Variants in CSMD2 observed in about 807,000 individuals in gnomAD.
CSMD2 encodes CUB and sushi domain-containing protein 2.
A neutral mutation model predicts 398.5 loss-of-function variants in CSMD2; 130 were observed. That is an observed-to-expected ratio of 0.33 (90% CI 0.28 to 0.38). The LOEUF (loss-of-function observed/expected upper bound fraction) is 0.38, where lower values mean the gene tolerates loss of function less well. CSMD2 is among the 10% of genes least tolerant of loss of function. The pLI is 1.00. For synonymous variants in CSMD2, 1,828 were observed against 1,908.5 expected (o/e 0.96, Z 1.10); for missense variants, 3,829 against 4,764.9 (o/e 0.80, Z 5.78).
rs76808780 is a variant in CSMD2, at chr1:33,613,758, C to T, written c.6133+746G>A. Among the ~76,000 whole-genome samples, 159 of 152,294 alleles carry T rather than the reference C, an allele frequency of 1.0e-3. 1 individual carries two copies. The East Asian group carries it at 0.026, about 25-fold the overall frequency. On this transcript the variant is annotated intron_variant, in intron 40 of 70. Transcript: ENST00000373381. ...GTGCAATGGCTTGGGCAAGATGACC[C>T]GTGCGTACGGCCCATCAGTTCCATG...
At chr1:33,728,252 T>C (rs901516717) in intron 15 of CSMD2, among the ~76,000 whole-genome samples, 18 of 152,132 alleles carry the variant, frequency 1.2e-4, no homozygotes, top group Non-Finnish European at 2.4e-4. Context: ...AAGAGCTACA[T>C]AGCACTTCTC....
intron 3 of CSMD2, among the ~76,000 whole-genome samples, chr1:34,029,921 G>A (rs986610704): frequency 1.3e-5 from 2 of 152,170 alleles, no homozygotes; most frequent in African/African-American, 4.8e-5. Context: ...GTGGAATGTT[G>A]AGCATTCTCA....
At chr1:33,978,668 C>T (rs1335797562) in intron 3 of CSMD2, among the ~76,000 whole-genome samples, 3 of 152,024 alleles carry the variant, frequency 2.0e-5, no homozygotes, top group African/African-American at 7.2e-5. Flanking sequence ...GAGAGGACAC[C>T]GTACCTAAGA....
At chr1:33,793,695 A>AGTGAGGCTGGTG (rs6143183) in intron 10 of CSMD2, among the ~76,000 whole-genome samples, 150,454 of 152,098 alleles carry the variant, frequency 0.99, 74,415 homozygotes, top group Middle Eastern at 1. Flanking sequence ...CATTGGCAGG[A>AGTGAGGCTGGTG]GTGAGGATGG....
chr1:33,561,687 C>G (rs1658560353), intron 53 of CSMD2, among the ~76,000 whole-genome samples: 1 of 152,174 alleles, frequency 6.6e-6, no homozygotes, highest in Admixed American at 6.5e-5. Context: ...GGCTTTTACC[C>G]TCCTCTGGGG....
rs1212813720 is a variant in CSMD2 at position 34,163,596 on chromosome 1, C to A, written c.187+1315G>T. ...AGGCGCACTTTCCCAAGAAGGGGAACTGGGGTGGTCCAGGCCAAGCCTTCA... is the reference window on the plus strand; with the variant it reads ...AGGCGCACTTTCCCAAGAAGGGGAAATGGGGTGGTCCAGGCCAAGCCTTCA... On this transcript the variant is annotated intron_variant, in intron 1 of 70. Transcript: ENST00000373381. This position sits in a 1 kb window ranked among gnomAD's most constrained non-coding sequence, Gnocchi z 5.4. 6.6e-6 allele frequency among the ~76,000 whole-genome samples: 1 copy of A among 152,166 alleles called. No individual in the cohort carries two copies. Among genetic ancestry groups the A allele is most frequent in the Non-Finnish European group, 1.5e-5 (1 of 68,040 alleles).
chr1:33,641,132 C>A (rs955430932), intron 29 of CSMD2, among the ~76,000 whole-genome samples: 1 of 152,154 alleles, frequency 6.6e-6, no homozygotes, highest in Non-Finnish European at 1.5e-5. Context: ...TCACAGCAAC[C>A]CTTCTGATTT....
At chr1:33,647,262 T>C (rs564399186) in intron 28 of CSMD2, among the ~76,000 whole-genome samples, 2 of 152,200 alleles carry the variant, frequency 1.3e-5, no homozygotes, top group Non-Finnish European at 2.9e-5. Context: ...TATGGTGCCA[T>C]TCTCAGGGAG....
intron 64 of CSMD2, among the ~76,000 whole-genome samples, chr1:33,528,029 C>T (rs1026976609): frequency 3.3e-5 from 5 of 151,782 alleles, no homozygotes; most frequent in African/African-American, 7.3e-5. Flanking sequence ...TACCCATCAA[C>T]GGTGAACTCT....
chr1:33,979,190 T>C (rs1202654632), intron 3 of CSMD2, among the ~76,000 whole-genome samples: 1 of 152,122 alleles, frequency 6.6e-6, no homozygotes, highest in African/African-American at 2.4e-5. Flanking sequence ...CCATGCCAGA[T>C]CCCCTGCCAG....
At chr1:33,937,370 A>C (rs1220197734) in intron 3 of CSMD2, among the ~76,000 whole-genome samples, 4 of 152,306 alleles carry the variant, frequency 2.6e-5, no homozygotes, top group East Asian at 1.9e-4. Context: ...AGCAAAAAAG[A>C]GCAAACAGCA....
chr1:33,641,695 C>G (rs954240362), intron 29 of CSMD2, among the ~76,000 whole-genome samples: 1 of 152,184 alleles, frequency 6.6e-6, no homozygotes, highest in African/African-American at 2.4e-5. Flanking sequence ...CCTTCAGAAG[C>G]AACTGAACAG....
chr1:33,720,000 G>A (rs1019538092), intron 19 of CSMD2, among the ~76,000 whole-genome samples: 1 of 152,180 alleles, frequency 6.6e-6, no homozygotes, highest in African/African-American at 2.4e-5. Context: ...CTTGGACTGG[G>A]CAGGTGGCAA....
intron 1 of CSMD2, among the ~76,000 whole-genome samples, chr1:34,129,965 T>C (rs529943952): frequency 1.3e-5 from 2 of 152,208 alleles, no homozygotes; most frequent in African/African-American, 4.8e-5. Flanking sequence ...AATACCTCCC[T>C]CACAGGCATG....
At chr1:33,726,425 T>A in intron 16 of CSMD2, 122 bp downstream of exon 16, 1 of 1,213,804 alleles carries the variant, frequency 8.2e-7, no homozygotes, top group Non-Finnish European at 1.1e-6. Flanking sequence ...GGTCCAGTGT[T>A]CTCCAACCTT....
chr1:33,530,039 A>G (rs1170998430), intron 64 of CSMD2, among the ~76,000 whole-genome samples: 2 of 152,206 alleles, frequency 1.3e-5, no homozygotes, highest in African/African-American at 4.8e-5. Flanking sequence ...AAGGAAATAT[A>G]AATCATTTTT....
intron 53 of CSMD2, among the ~76,000 whole-genome samples, chr1:33,561,177 G>C (rs917075736): frequency 6.6e-6 from 1 of 152,196 alleles, no homozygotes; most frequent in Non-Finnish European, 1.5e-5. Context: ...GGCCAGATCT[G>C]GTGTTTTCTG....
chr1:33,519,452 C>A lies in CSMD2; in HGVS notation c.*53+13G>T. 2 of 1,534,188 alleles carry A rather than the reference C, an allele frequency of 1.3e-6. No individual in the cohort carries two copies. Among genetic ancestry groups the A allele is most frequent in the South Asian group, 2.2e-5 (2 of 88,936 alleles). ...CTTGTCATGGCCTGTCTTCCTCCCA[C>A]ACCCCTGCTCACCGGCTGCTGGAGG... is the stretch of plus-strand genomic sequence containing the variant. On this transcript the variant is annotated intron_variant, in intron 70 of 70. Coordinates refer to ENST00000373381, the MANE Select transcript of CSMD2 (RefSeq NM_001281956.2). This position sits in a 1 kb window ranked among gnomAD's most constrained non-coding sequence, Gnocchi z 5.6.
At chr1:34,028,249 G>A (rs554240860) in intron 3 of CSMD2, among the ~76,000 whole-genome samples, 6 of 152,140 alleles carry the variant, frequency 3.9e-5, no homozygotes, top group African/African-American at 7.2e-5. Flanking sequence ...CCAGGAGGTC[G>A]AGGCTGCAGT....
Sources: gnomAD v4.1 joint callset for allele counts (sites outside exome capture counted in the v4.1 genomes callset) on GRCh38, gnomAD v4.1.1 for gene constraint, Gnocchi (gnomAD v3.1) non-coding constraint, MANE v1.5 for transcripts, NCBI Gene and HGNC (gene_info 2026-07-23, HGNC 2026-07-21) for gene names.